Variants in TNFRSF21 observed in about 807,000 individuals in gnomAD.
TNFRSF21 encodes the protein TNF receptor superfamily member 21.
TNFRSF21 carries 19 observed loss-of-function variants against 45.6 expected under a neutral mutation model. The ratio of observed to expected loss-of-function variants is 0.42; its 90% CI spans 0.29 to 0.61. The LOEUF is 0.61. Ranked by LOEUF, TNFRSF21 falls within the 20% of genes least tolerant of loss-of-function variation. TNFRSF21 has a pLI of 0.23. For missense variants in TNFRSF21, 737 were observed against 851.5 expected (o/e 0.87, Z 1.67); for synonymous variants, 314 against 335.5 (o/e 0.94, Z 0.70).
intron 1 of TNFRSF21, among the ~76,000 whole-genome samples, chr6:47,291,390 C>T (rs542754799): frequency 1.4e-4 from 21 of 152,100 alleles, no homozygotes; most frequent in African/African-American, 4.1e-4. Context: ...AAGGGGTATG[C>T]GGGAGAGTAG....
At chr6:47,293,060 A>G (rs1413008080) in intron 1 of TNFRSF21, among the ~76,000 whole-genome samples, 5 of 152,174 alleles carry the variant, frequency 3.3e-5, no homozygotes, top group Non-Finnish European at 5.9e-5. Flanking sequence ...AGCCTTTAAA[A>G]CTATTCCCAG....
At chr6:47,275,327 A>G (rs1052076102) in intron 3 of TNFRSF21, among the ~76,000 whole-genome samples, 48 of 152,348 alleles carry the variant, frequency 3.2e-4, no homozygotes, top group Middle Eastern at 6.8e-3. Flanking sequence ...ATGCAGCCAT[A>G]AAAAAGATGA....
intron 1 of TNFRSF21, among the ~76,000 whole-genome samples, chr6:47,307,812 A>C (rs1230913624): frequency 6.6e-6 from 1 of 152,230 alleles, no homozygotes; most frequent in African/African-American, 2.4e-5. Context: ...ATGACTTAAG[A>C]TTTAATCTGG....
chr6:47,293,648 A>G (rs545510883), intron 1 of TNFRSF21, among the ~76,000 whole-genome samples: 1 of 152,370 alleles, frequency 6.6e-6, no homozygotes, highest in East Asian at 1.9e-4. Flanking sequence ...CTGAAAGTTT[A>G]GCAACGAGTA....
chr6:47,309,257 T>C (rs1015555287), intron 1 of TNFRSF21, among the ~76,000 whole-genome samples, 159 bp downstream of exon 1: 1 of 152,112 alleles, frequency 6.6e-6, no homozygotes, highest in African/African-American at 2.4e-5. Flanking sequence ...CGAGGCCCTC[T>C]GGTGTGTTGC....
At chr6:47,285,116 G>A (rs1025795783) in intron 2 of TNFRSF21, among the ~76,000 whole-genome samples, 1 of 152,118 alleles carries the variant, frequency 6.6e-6, no homozygotes, top group Non-Finnish European at 1.5e-5. Flanking sequence ...CTTGGAGGCT[G>A]TTTCTTCATT....
chr6:47,301,708 C>T (rs1014045371), intron 1 of TNFRSF21, among the ~76,000 whole-genome samples: 6 of 152,152 alleles, frequency 3.9e-5, no homozygotes, highest in African/African-American at 2.4e-5. Flanking sequence ...CCATGTGACA[C>T]ACCAGCCGCC....
At chr6:47,281,437 G>A (rs928535109) in intron 3 of TNFRSF21, among the ~76,000 whole-genome samples, 1 of 151,170 alleles carries the variant, frequency 6.6e-6, no homozygotes, top group Non-Finnish European at 1.5e-5. Context: ...CCGGAGTGCA[G>A]CGGCACGATC....
At chr6:47,262,873 C>T (rs569432234) in intron 3 of TNFRSF21, among the ~76,000 whole-genome samples, 2 of 152,104 alleles carry the variant, frequency 1.3e-5, no homozygotes, top group Non-Finnish European at 2.9e-5. Context: ...TAAGCTGCTA[C>T]TATGCATTCA....
chr6:47,297,510 CTTTTTTTTTT>C (rs55690288), intron 1 of TNFRSF21, among the ~76,000 whole-genome samples: 1 of 117,478 alleles, frequency 8.5e-6, no homozygotes. Flanking sequence ...TCTCTTTTTA[CTTTTTTTTTT>C]TTTTTTTTTT....
Position 47,284,410 on chromosome 6 carries a change from G to C in TNFRSF21, c.771C>G (p.Asn257Lys), listed in dbSNP as rs748038661. The change falls in exon 3 of 6, where the codon AAC becomes AAG. Residue 257 changes from asparagine (N) to lysine (K), a missense_variant. Coordinates refer to ENST00000296861, the MANE Select transcript of TNFRSF21 (RefSeq NM_014452.5). ...VPKGMNSTES[N>K]SSASVRPKVL... ...CCTTTGGTCTAACAGAGGCAGAAGAGTTGGATTCTGTTGAGTTCATGCCTA... is the reference window on the plus strand; with the variant it reads ...CCTTTGGTCTAACAGAGGCAGAAGACTTGGATTCTGTTGAGTTCATGCCTA... 1 of 1,519,784 alleles carries C rather than the reference G, an allele frequency of 6.6e-7. No homozygotes were observed. The highest frequency in any genetic ancestry group is 1.3e-5 in the South Asian group (1 of 74,878). 94.1% of individuals were successfully genotyped at this position (1,519,784 alleles called of 1,614,324 possible). A position where few individuals can be genotyped will look rare whatever the true frequency, so the allele number is the denominator to read the frequency against.
chr6:47,281,313 A>G (rs1762564076), intron 3 of TNFRSF21, among the ~76,000 whole-genome samples: 1 of 149,964 alleles, frequency 6.7e-6, no homozygotes, highest in South Asian at 2.1e-4. Flanking sequence ...TATATATTAT[A>G]TATTACATGT....
intron 3 of TNFRSF21, among the ~76,000 whole-genome samples, chr6:47,254,742 C>T (rs1338206349): frequency 6.6e-6 from 1 of 152,170 alleles, no homozygotes; most frequent in African/African-American, 2.4e-5. Context: ...TTCAGTCTTC[C>T]AACTTGGCTT....
At chr6:47,302,132 T>A (rs1324246033) in intron 1 of TNFRSF21, among the ~76,000 whole-genome samples, 2 of 152,186 alleles carry the variant, frequency 1.3e-5, no homozygotes, top group African/African-American at 4.8e-5. Flanking sequence ...ACTCAGTCTC[T>A]ACAACCTACG....
chr6:47,244,618 T>TC (rs2113846376), intron 4 of TNFRSF21, among the ~76,000 whole-genome samples: 1 of 152,330 alleles, frequency 6.6e-6, no homozygotes, highest in African/African-American at 2.4e-5. Flanking sequence ...AAGTTTTTTT[T>TC]CTAGTACTTT....
intron 3 of TNFRSF21, among the ~76,000 whole-genome samples, chr6:47,259,223 T>C (rs1032049601): frequency 6.6e-6 from 1 of 152,266 alleles, no homozygotes; most frequent in Non-Finnish European, 1.5e-5. Flanking sequence ...CCAGGGTTTT[T>C]GTCAAGATTG....
At chr6:47,274,938 G>C (rs1260419716) in intron 3 of TNFRSF21, among the ~76,000 whole-genome samples, 4 of 152,170 alleles carry the variant, frequency 2.6e-5, no homozygotes, top group African/African-American at 9.7e-5. Context: ...ACCACAATGA[G>C]ATACCATCTT....
chr6:47,305,155 C>T (rs141647158), intron 1 of TNFRSF21, among the ~76,000 whole-genome samples: 45 of 152,254 alleles, frequency 3.0e-4, no homozygotes, highest in African/African-American at 1.0e-3. Context: ...TCCACATGAG[C>T]GAGTAAAACC....
intron 3 of TNFRSF21, among the ~76,000 whole-genome samples, chr6:47,281,990 A>G (rs934991550): frequency 1.3e-5 from 2 of 152,142 alleles, no homozygotes; most frequent in Non-Finnish European, 2.9e-5. Context: ...TTGACCATCT[A>G]CATCATAGGT....
Sources: allele counts gnomAD v4.1 joint callset (sites outside exome capture counted in the v4.1 genomes callset), GRCh38; gene constraint gnomAD v4.1.1; transcripts MANE v1.5; gene names NCBI Gene and HGNC (gene_info 2026-07-23, HGNC 2026-07-21).